Variants in VPS37D observed in about 807,000 individuals in gnomAD.
The protein encoded by VPS37D is VPS37D subunit of ESCRT-I, also known as vacuolar protein sorting-associated protein 37D.
A neutral mutation model predicts 22.0 loss-of-function variants in VPS37D; 5 were observed. That is an observed-to-expected ratio of 0.23 (90% CI 0.12 to 0.48). The LOEUF is 0.48. Among genes scored for constraint, VPS37D ranks in the 20% least tolerant of loss-of-function variants. VPS37D has a pLI of 0.99. For synonymous variants in VPS37D, 174 were observed against 159.3 expected, an observed-to-expected ratio of 1.09 and a Z score of -0.69; for missense variants, 384 against 345.8, an observed-to-expected ratio of 1.11 and a Z score of -0.88.
intron 1 of VPS37D, among the ~76,000 whole-genome samples, chr7:73,668,637 T>TG (rs1164370725): frequency 3.4e-5 from 5 of 147,562 alleles, no homozygotes; most frequent in African/African-American, 5.0e-5. Context: ...TGGTTGTCTG[T>TG]GGGGGGCAGA....
At chr7:73,668,914 T>TGAGGGGAC (rs1229676580) in intron 1 of VPS37D, among the ~76,000 whole-genome samples, 5 of 148,378 alleles carry the variant, frequency 3.4e-5, no homozygotes, top group Non-Finnish European at 6.0e-5. Flanking sequence ...GGGGGTGCTG[T>TGAGGGGAC]GAGGGGACGG....
In VPS37D at chr7:73,671,014, G is replaced by A. The variant is rs781976182; in HGVS notation, c.394G>A (p.Glu132Lys). 1.1e-5 allele frequency: 17 copies of A among 1,611,682 alleles called. No homozygotes were observed. The highest frequency in any genetic ancestry group is 1.4e-5 in the Non-Finnish European group (16 of 1,179,176). Residue 132 changes from glutamate (E) to lysine (K), a missense_variant and splice_region_variant, in exon 4 of 4, where the codon GAG (glutamate) becomes AAG (lysine). By Grantham distance (56) the Glu-to-Lys change is moderately conservative. Coordinates refer to ENST00000324941, the MANE Select transcript of VPS37D (RefSeq NM_001077621.2). The part of the protein sequence containing the change: ...ELEEAEQEAE[E>K]QMEQLLLGEQ... ...AGCCTTCCCTTCCCTCCCGGCCCAG[G>A]AGCAGATGGAGCAGCTGCTGCTCGG...
chr7:73,669,726 T>TGAGGAAGTGA, intron 2 of VPS37D, 136 bp downstream of exon 2: 1 of 784,398 alleles, frequency 1.3e-6, no homozygotes, highest in South Asian at 1.8e-5. Flanking sequence ...GCAGTAGAGT[T>TGAGGAAGTGA]GAGGAAGTGA....
chr7:73,667,691 G>C (rs929824360), upstream of VPS37D: 3 of 153,730 alleles, frequency 2.0e-5, no homozygotes, highest in African/African-American at 7.2e-5. Context: ...GGGGAGATCG[G>C]GTTGCTGGGC....
intron 1 of VPS37D, among the ~76,000 whole-genome samples, 160 bp downstream of exon 1, chr7:73,668,256 G>C (rs1797427143): frequency 6.6e-6 from 1 of 151,454 alleles, no homozygotes; most frequent in Non-Finnish European, 1.5e-5. Flanking sequence ...CCGGGGGAGG[G>C]GGCGCTTGGA....
chr7:73,666,126 G>A (rs1554608588), upstream of VPS37D, among the ~76,000 whole-genome samples: 1 of 152,118 alleles, frequency 6.6e-6, no homozygotes, highest in African/African-American at 2.4e-5. Flanking sequence ...TGGGGACAAT[G>A]GCTTAACCTA....
Position 73,671,143 on chromosome 7 carries a change from C to T in VPS37D, c.523C>T (p.Arg175Trp), listed in dbSNP as rs1170905225. Residue 175 changes from arginine to tryptophan, a missense_variant, in exon 4 of 4, where the codon CGG becomes TGG. By Grantham distance (101) the Arg-to-Trp change is moderately radical (BLOSUM62 -3). Coordinates refer to ENST00000324941, the MANE Select transcript of VPS37D (RefSeq NM_001077621.2). ...AEKLQELLRR[R>W]ERSAQPAPTS... The stretch of plus-strand genomic sequence containing the variant: ...GAAGCTGCAGGAGCTGCTGCGGCGT[C>T]GGGAGCGTTCTGCCCAGCCGGCCCC... The T allele has an allele frequency of 1.4e-5, 23 of 1,607,102 alleles. No individual in the cohort carries two copies. The highest frequency in any genetic ancestry group is 1.7e-4 in the Middle Eastern group (1 of 5,790).
chr7:73,670,179 C>T (rs1343785893), intron 3 of VPS37D, 77 bp downstream of exon 3: 14 of 1,544,740 alleles, frequency 9.1e-6, no homozygotes, highest in African/African-American at 1.4e-5. Context: ...ATTCTTACAC[C>T]TCAGGCTGGG....
chr7:73,669,459 C>A lies in VPS37D; in HGVS notation c.179C>A (p.Ser60Tyr). 1 of 1,578,378 alleles carries A rather than the reference C, an allele frequency of 6.3e-7. No homozygotes were observed. The highest frequency in any genetic ancestry group is 8.6e-7 in the Non-Finnish European group (1 of 1,162,784). Residue 60 changes from serine (S) to tyrosine (Y), a missense_variant, in exon 2 of 4, where the codon TCC becomes TAC. Coordinates refer to ENST00000324941, the MANE Select transcript of VPS37D (RefSeq NM_001077621.2). ...LQLEREACLA[S>Y]NYALAKENLA... is the part of the protein sequence containing the mutation. The stretch of plus-strand genomic sequence containing the variant: ...CTGGAGCGTGAGGCCTGCCTGGCCT[C>A]CAACTACGCGCTGGCCAAGGAGAAC...
At chr7:73,669,382 C>G in intron 1 of VPS37D, 37 bp from the exon 2 acceptor site, 1 of 1,518,446 alleles carries the variant, frequency 6.6e-7, no homozygotes, top group African/African-American at 1.4e-5. Context: ...CAGGGCAGAT[C>G]CCCTGAGCGG....
Position 73,667,966 on chromosome 7 carries a change from G to T in VPS37D, c.8G>T (p.Arg3Leu). MY[R>L]ARAARAGPEP... Reference sequence around the variant, plus strand: ...GGGGCGCGGGCGGGCGGCATGTACCGGGCCCGGGCGGCGCGGGCGGGGCCG... The same window carrying T: ...GGGGCGCGGGCGGGCGGCATGTACCTGGCCCGGGCGGCGCGGGCGGGGCCG... Residue 3 changes from arginine to leucine, a missense_variant, in exon 1 of 4, where the codon CGG becomes CTG. By Grantham distance (102) the Arg-to-Leu change is moderately radical. Transcript: ENST00000324941. The T allele has an allele frequency of 3.8e-6, 4 of 1,054,214 alleles. No individual in the cohort carries two copies. Among genetic ancestry groups the T allele is most frequent in the Non-Finnish European group, 4.6e-6 (4 of 873,604 alleles). The allele number at this position is 1,054,214 out of a possible 1,614,324, so 65.3% of individuals were successfully genotyped here.
Position 73,671,184 on chromosome 7 carries a change from TC to T in VPS37D, c.570del (p.Lys191AsnfsTer35). 6.3e-7 allele frequency: 1 copy of T among 1,598,662 alleles called. No homozygotes were observed. ...AGCCGGCCCCCACCTCGGCTGCTGA[TC>T]CCCCCAAATCCTTCCCGGCTGCAGC... The part of the protein sequence containing the change: ...AQPAPTSAAD[P>X]PKSFPAAAVL... On this transcript the variant is annotated frameshift_variant, in exon 4 of 4. Transcript: ENST00000324941. LOFTEE classifies it high-confidence loss of function.
chr7:73,671,189 C>G lies in VPS37D; in HGVS notation c.569C>G (p.Pro190Arg). Residue 190 changes from proline (P) to arginine (R), a missense_variant, in exon 4 of 4, where the codon CCC becomes CGC. Pro to Arg is a moderately radical substitution (Grantham distance 103, BLOSUM62 -2). Coordinates refer to ENST00000324941, the MANE Select transcript of VPS37D (RefSeq NM_001077621.2). ...QPAPTSAADP[P>R]KSFPAAAVLP... ...GCCCCCACCTCGGCTGCTGATCCCCCCAAATCCTTCCCGGCTGCAGCTGTC... is the reference window on the plus strand; with the variant it reads ...GCCCCCACCTCGGCTGCTGATCCCCGCAAATCCTTCCCGGCTGCAGCTGTC... 1.9e-6 allele frequency: 3 copies of G among 1,599,362 alleles called. No homozygotes were observed. Among genetic ancestry groups the G allele is most frequent in the Non-Finnish European group, 2.6e-6 (3 of 1,174,978 alleles).
upstream of VPS37D, among the ~76,000 whole-genome samples, chr7:73,667,272 C>A (rs1013376151): frequency 2.0e-5 from 3 of 152,138 alleles, no homozygotes; most frequent in African/African-American, 7.2e-5. Flanking sequence ...CCGCGCCCGG[C>A]CTCTTTTCAC....
At chr7:73,670,469 C>T (rs571966338) in intron 3 of VPS37D, among the ~76,000 whole-genome samples, 1 of 152,276 alleles carries the variant, frequency 6.6e-6, no homozygotes, top group South Asian at 2.1e-4. Context: ...TGCCTCTGCT[C>T]CTGCCTCATC....
upstream of VPS37D, among the ~76,000 whole-genome samples, chr7:73,666,402 G>A (rs1797372627): frequency 6.6e-6 from 1 of 152,014 alleles, no homozygotes; most frequent in Non-Finnish European, 1.5e-5. Context: ...GTGACTTTGG[G>A]GAGGCGACAT....
At chr7:73,666,995 C>G (rs540999595), upstream of VPS37D, among the ~76,000 whole-genome samples, 1 of 122,092 alleles carries the variant, frequency 8.2e-6, no homozygotes, top group African/African-American at 3.0e-5. Context: ...TTTTTTGAGA[C>G]GGAGTCTCGC....
chr7:73,668,194 C>A, intron 1 of VPS37D, 98 bp downstream of exon 1: 2 of 740,830 alleles, frequency 2.7e-6, no homozygotes, highest in Non-Finnish European at 3.4e-6. Context: ...GCCGCGGGGC[C>A]GCCCGTGGGC....
At chr7:73,665,375 C>T (rs370039096), upstream of VPS37D, among the ~76,000 whole-genome samples, 6 of 150,976 alleles carry the variant, frequency 4.0e-5, no homozygotes, top group East Asian at 3.9e-4. Context: ...CCAGCCTGGG[C>T]GACAGAGGGA....
Sources: allele counts gnomAD v4.1 joint callset (sites outside exome capture counted in the v4.1 genomes callset), GRCh38; gene constraint gnomAD v4.1.1; transcripts MANE v1.5; gene names NCBI Gene and HGNC (gene_info 2026-07-23, HGNC 2026-07-21).